Variants in DYNLT2 observed in about 807,000 individuals in gnomAD.
DYNLT2 encodes dynein light chain Tctex-type protein 2.
A neutral mutation model predicts 24.3 loss-of-function variants in DYNLT2; 24 were observed. The ratio of observed to expected loss-of-function variants is 0.99; its 90% CI spans 0.71 to 1.39. The LOEUF is 1.39. Among genes scored for constraint, DYNLT2 ranks in the 40% most tolerant of loss-of-function variants. DYNLT2 has a pLI of 0.00. For missense variants in DYNLT2, 246 were observed against 234.5 expected (o/e 1.05, Z -0.32); for synonymous variants, 85 against 85.4 (o/e 1.00, Z 0.03).
At chr6:169,751,146 A>G (rs1790026492) in intron 1 of DYNLT2, 193 bp downstream of exon 1, 15 of 763,438 alleles carry the variant, frequency 2.0e-5, no homozygotes, top group Non-Finnish European at 2.9e-5. Context: ...AAACTTTAGC[A>G]CTCAAGTCCA....
chr6:169,726,925 T>G, the DYNLT2 span, among the ~76,000 whole-genome samples: 443 of 152,182 alleles, frequency 2.9e-3, 1 homozygote, highest in African/African-American at 9.7e-3. Context: ...ATTATGCAGA[T>G]ATACGTGAAA....
chr6:169,743,194 G>T lies in DYNLT2; in HGVS notation c.372C>A (p.His124Gln). 1 of 1,580,604 alleles carries T rather than the reference G, an allele frequency of 6.3e-7. No homozygotes were observed. Among genetic ancestry groups the T allele is most frequent in the Non-Finnish European group, 8.6e-7 (1 of 1,157,992 alleles). Residue 124 changes from histidine to glutamine, a missense_variant, in exon 3 of 4, where the codon CAC becomes CAA. His to Gln is a conservative substitution (Grantham distance 24, BLOSUM62 0). Coordinates refer to ENST00000366774, the MANE Select transcript of DYNLT2 (RefSeq NM_174910.3). Reference protein sequence around the residue: ...DVKYDDKVFSHLSLELADRIL... With the variant: ...DVKYDDKVFSQLSLELADRIL... ...TGCGGTCTGCCAATTCAAGTGACAA[G>T]TGAGAGAATACTTTATCATCATATT...
chr6:169,731,393 T>C, the DYNLT2 span, among the ~76,000 whole-genome samples: 2 of 152,208 alleles, frequency 1.3e-5, no homozygotes, highest in Non-Finnish European at 2.9e-5. Flanking sequence ...AAAGTTATGC[T>C]TCCAAGATGA....
At chr6:169,732,812 G>T in the DYNLT2 span, among the ~76,000 whole-genome samples, 26 of 152,176 alleles carry the variant, frequency 1.7e-4, 1 homozygote, top group Admixed American at 3.3e-4. Context: ...TAATGGAATT[G>T]CTGGGTCAAA....
rs1789716715 is a variant in DYNLT2, at chr6:169,743,131, A to G, written c.435T>C (p.Tyr145=). 6.3e-7 allele frequency: 1 copy of G among 1,581,038 alleles called. No individual in the cohort carries two copies. Among genetic ancestry groups the G allele is most frequent in the Non-Finnish European group, 8.6e-7 (1 of 1,158,372 alleles). The change falls in exon 3 of 4, where the codon TAT becomes TAC. Residue 145 remains tyrosine (Y), a synonymous_variant. Coordinates refer to ENST00000366774, the MANE Select transcript of DYNLT2 (RefSeq NM_174910.3). Reference sequence around the variant, plus strand: ...TAAATAATACTTTTATAATGAACTTATAACGGTGGTACCCAAATTCTTTGA... The same window carrying G: ...TAAATAATACTTTTATAATGAACTTGTAACGGTGGTACCCAAATTCTTTGA... The part of the protein sequence containing the change: ...LAVKEFGYHR[Y]KFIIKVLFIQ...
the DYNLT2 span, among the ~76,000 whole-genome samples, chr6:169,726,025 T>C: frequency 6.6e-6 from 1 of 152,258 alleles, no homozygotes; most frequent in Non-Finnish European, 1.5e-5. Flanking sequence ...TGAATACACC[T>C]ATAGTTTACT....
rs1436141829 is a variant in DYNLT2 at position 169,740,249 on chromosome 6, G to T, written c.533C>A (p.Ala178Glu). Residue 178 changes from alanine to glutamate, a missense_variant, in exon 4 of 4, where the codon GCA becomes GAA. Coordinates refer to ENST00000366774, the MANE Select transcript of DYNLT2 (RefSeq NM_174910.3). Reference sequence around the variant, plus strand: ...GTAGGATTCTGCTTCGTGTTTAGCTGCGACCCAGCTGTCCCATGCAATGTC... The same window carrying T: ...GTAGGATTCTGCTTCGTGTTTAGCTTCGACCCAGCTGTCCCATGCAATGTC... ...IWDIAWDSWVAAKHEAESYVA... is the reference protein window; with the variant it reads ...IWDIAWDSWVEAKHEAESYVA... The T allele has an allele frequency of 6.2e-7, 1 of 1,614,104 alleles. No homozygotes were observed. Among genetic ancestry groups the T allele is most frequent in the Non-Finnish European group, 8.5e-7 (1 of 1,180,012 alleles).
intron 1 of DYNLT2, 104 bp from the exon 2 acceptor site, chr6:169,744,378 C>T: frequency 1.1e-6 from 1 of 926,938 alleles, no homozygotes; most frequent in East Asian, 2.6e-5. Flanking sequence ...GGACAGGGCT[C>T]ACACAAAGCT....
the DYNLT2 span, among the ~76,000 whole-genome samples, chr6:169,733,402 A>C: frequency 0.012 from 1,775 of 152,036 alleles, 31 homozygotes; most frequent in African/African-American, 0.04. Context: ...TTTCTTCTAG[A>C]GTTTTTATGG....
At chr6:169,725,336 G>A in the DYNLT2 span, 168 of 398,658 alleles carry the variant, frequency 4.2e-4, no homozygotes, top group African/African-American at 2.5e-3. Flanking sequence ...ACAAACAAAA[G>A]TTGGGAAAGA....
intron 1 of DYNLT2, 36 bp downstream of exon 1, chr6:169,751,302 AT>A: frequency 6.2e-7 from 1 of 1,601,394 alleles, no homozygotes; most frequent in Non-Finnish European, 8.5e-7. Context: ...ACGGTCGGAC[AT>A]AGCCGTCTCG....
At chr6:169,735,235 G>A (rs56094025), downstream of DYNLT2, among the ~76,000 whole-genome samples, 4,687 of 152,090 alleles carry the variant, frequency 0.031, 131 homozygotes, top group South Asian at 0.15. Flanking sequence ...CAAAAAACCA[G>A]CTCCTGGATT....
the DYNLT2 span, among the ~76,000 whole-genome samples, chr6:169,727,843 G>GT: frequency 6.6e-6 from 1 of 152,152 alleles, no homozygotes; most frequent in Non-Finnish European, 1.5e-5. Context: ...GATTACAGGC[G>GT]TGAGCCACTG....
intron 1 of DYNLT2, among the ~76,000 whole-genome samples, chr6:169,745,421 A>G (rs1789775189): frequency 1.3e-5 from 2 of 152,316 alleles, no homozygotes; most frequent in Admixed American, 1.3e-4. Flanking sequence ...CAGTTTTCAT[A>G]TAGAGCTTTT....
chr6:169,728,093 G>A, the DYNLT2 span, among the ~76,000 whole-genome samples: 7 of 152,190 alleles, frequency 4.6e-5, no homozygotes, highest in African/African-American at 1.7e-4. Flanking sequence ...TCTCAGTCAA[G>A]TTTACCTACT....
chr6:169,734,926 T>C, the DYNLT2 span, among the ~76,000 whole-genome samples: 1 of 152,208 alleles, frequency 6.6e-6, no homozygotes, highest in African/African-American at 2.4e-5. Flanking sequence ...CCTGGGCTTT[T>C]TTTGGTTGGT....
the DYNLT2 span, among the ~76,000 whole-genome samples, chr6:169,734,020 T>C: frequency 6.6e-6 from 1 of 152,212 alleles, no homozygotes; most frequent in Non-Finnish European, 1.5e-5. Context: ...TCTCTATTCC[T>C]AGGTATTTTA....
the DYNLT2 span, among the ~76,000 whole-genome samples, chr6:169,734,372 G>T: frequency 6.6e-6 from 1 of 152,222 alleles, no homozygotes; most frequent in Non-Finnish European, 1.5e-5. Flanking sequence ...GGTTTTCCAA[G>T]GGAATGCTTC....
At chr6:169,737,408 T>C (rs143072052), downstream of DYNLT2, among the ~76,000 whole-genome samples, 107 of 152,268 alleles carry the variant, frequency 7.0e-4, no homozygotes, top group Non-Finnish European at 1.1e-3. Context: ...TCTGGCCTTT[T>C]GGGTTTTCAG....
Sources: gnomAD v4.1 joint callset for allele counts (sites outside exome capture counted in the v4.1 genomes callset) on GRCh38, gnomAD v4.1.1 for gene constraint, MANE v1.5 for transcripts, NCBI Gene and HGNC (gene_info 2026-07-23, HGNC 2026-07-21) for gene names.